Variants in TNFRSF13C observed in about 807,000 individuals in gnomAD.
TNFRSF13C encodes the protein TNF receptor superfamily member 13C.
A neutral mutation model predicts 12.1 loss-of-function variants in TNFRSF13C; 7 were observed. That is an observed-to-expected ratio of 0.58 (90% confidence interval 0.33 to 1.08). The LOEUF (loss-of-function observed/expected upper bound fraction) is 1.08. Ranked by LOEUF, TNFRSF13C falls within the 50% of genes least tolerant of loss-of-function variation. TNFRSF13C has a pLI of 0.04. For synonymous variants in TNFRSF13C, 157 were observed against 130.8 expected (o/e 1.20, Z -1.37); for missense variants, 260 against 265.9 (o/e 0.98, Z 0.15).
rs1344102977 is a variant in TNFRSF13C at position 41,923,940 on chromosome 22, A to T, written c.*1427T>A. 6.6e-6 allele frequency: 1 copy of T among 152,240 alleles called. No individual in the cohort carries two copies. The highest frequency in any genetic ancestry group is 1.5e-5 in the Non-Finnish European group (1 of 68,046). 9.4% of individuals were successfully genotyped at this position (152,240 alleles called of 1,614,324 possible). A position where few individuals can be genotyped will look rare whatever the true frequency, so the allele number is the denominator to read the frequency against. On this transcript the variant is annotated 3_prime_UTR_variant, in exon 3 of 3. Coordinates refer to ENST00000291232, the MANE Select transcript of TNFRSF13C (RefSeq NM_052945.4). ...AGATACCTGAGAATCAGCAAAATCC[A>T]GCTCAATCTTTTCTCCTTTGTTATT...
chr22:41,926,466 G>A lies in TNFRSF13C; in HGVS notation c.137-135C>T, dbSNP rs920541570. ...GGGGGGCGGTGGACAAGGGGAGGGA[G>A]AGAGGCGGCGGTGAGGGCCACGCGG... On this transcript the variant is annotated intron_variant, in intron 1 of 2. Transcript: ENST00000291232. This position sits in a 1 kb window ranked among gnomAD's most constrained non-coding sequence, Gnocchi z 4.9. 1 of 1,100,172 alleles carries A rather than the reference G, an allele frequency of 9.1e-7. No individual in the cohort carries two copies. Among genetic ancestry groups the A allele is most frequent in the African/African-American group, 1.7e-5 (1 of 60,008 alleles). 68.2% of individuals were successfully genotyped at this position (1,100,172 alleles called of 1,614,324 possible).
chr22:41,926,401 C>A lies in TNFRSF13C; in HGVS notation c.137-70G>T, dbSNP rs1415984841. On this transcript the variant is annotated intron_variant, in intron 1 of 2. Coordinates refer to ENST00000291232, the MANE Select transcript of TNFRSF13C (RefSeq NM_052945.4). This position sits in a 1 kb window ranked among gnomAD's most constrained non-coding sequence, Gnocchi z 4.9. ...AGGGAGGAGCGGGGACGGGGAGGGGCGGAGGGGGGCGAGGCTGGCCGGGGA... is the reference window on the plus strand; with the variant it reads ...AGGGAGGAGCGGGGACGGGGAGGGGAGGAGGGGGGCGAGGCTGGCCGGGGA... 6.5e-6 allele frequency: 2 copies of A among 309,212 alleles called. No homozygotes were observed. Among genetic ancestry groups the A allele is most frequent in the African/African-American group, 4.0e-5 (1 of 25,316 alleles). 19.2% of individuals were successfully genotyped at this position (309,212 alleles called of 1,614,324 possible). A position where few individuals can be genotyped will look rare whatever the true frequency, so the allele number is the denominator to read the frequency against.
chr22:41,926,501 G>A lies in TNFRSF13C; in HGVS notation c.136+137C>T. On this transcript the variant is annotated intron_variant, in intron 1 of 2. Transcript: ENST00000291232. This position sits in a 1 kb window ranked among gnomAD's most constrained non-coding sequence, Gnocchi z 4.9. ...GGTGAGGGCCACGCGGTGATCGCGGGCCCCTCCAGGCCCTGCCCACAGGGT... is the reference window on the plus strand; with the variant it reads ...GGTGAGGGCCACGCGGTGATCGCGGACCCCTCCAGGCCCTGCCCACAGGGT... The A allele has an allele frequency of 2.5e-6, 3 of 1,179,238 alleles. No individual in the cohort carries two copies. Among genetic ancestry groups the A allele is most frequent in the Non-Finnish European group, 2.2e-6 (2 of 911,516 alleles). 73.0% of individuals were successfully genotyped at this position (1,179,238 alleles called of 1,614,324 possible).
In TNFRSF13C at chr22:41,926,511, G is replaced by T; in HGVS notation, c.136+127C>A. On this transcript the variant is annotated intron_variant, in intron 1 of 2. Coordinates refer to ENST00000291232, the MANE Select transcript of TNFRSF13C (RefSeq NM_052945.4). The surrounding 1 kb of genome is among the most constrained non-coding windows in gnomAD (Gnocchi z 4.9). Reference sequence around the variant, plus strand: ...ACGCGGTGATCGCGGGCCCCTCCAGGCCCTGCCCACAGGGTCCTTTCAGCC... The same window carrying T: ...ACGCGGTGATCGCGGGCCCCTCCAGTCCCTGCCCACAGGGTCCTTTCAGCC... 8.1e-7 allele frequency: 1 copy of T among 1,231,174 alleles called. No homozygotes were observed. The highest frequency in any genetic ancestry group is 1.0e-6 in the Non-Finnish European group (1 of 957,944). The allele number at this position is 1,231,174 out of a possible 1,614,324, so 76.3% of individuals were successfully genotyped here.
rs2146585999 is a variant in TNFRSF13C, at chr22:41,922,448, G to A, written c.*2919C>T. ...CTCTGGGGACCACAGGCCAGGAGGAGAACCTTGCATACAACCCCTCATTTT... is the reference window on the plus strand; with the variant it reads ...CTCTGGGGACCACAGGCCAGGAGGAAAACCTTGCATACAACCCCTCATTTT... On this transcript the variant is annotated 3_prime_UTR_variant, in exon 3 of 3. Coordinates refer to ENST00000291232, the MANE Select transcript of TNFRSF13C (RefSeq NM_052945.4). 1 of 152,254 alleles carries A rather than the reference G, an allele frequency of 6.6e-6. No individual in the cohort carries two copies. The highest frequency in any genetic ancestry group is 1.5e-5 in the Non-Finnish European group (1 of 68,018). 9.4% of individuals were successfully genotyped at this position (152,254 alleles called of 1,614,324 possible).
In TNFRSF13C at chr22:41,926,647, G is replaced by A. The variant is rs1369166722; in HGVS notation, c.127C>T (p.Pro43Ser). The change falls in exon 1 of 3, where the codon CCG (proline) becomes TCG (serine). Residue 43 changes from proline to serine, a missense_variant. Physicochemically the swap from Pro to Ser is moderately conservative, Grantham distance 74. Coordinates refer to ENST00000291232, the MANE Select transcript of TNFRSF13C (RefSeq NM_052945.4). This position sits in a 1 kb window ranked among gnomAD's most constrained non-coding sequence, Gnocchi z 4.9. ...VACGLLRTPR[P>S]KPAGASSPAP... is the part of the protein sequence containing the mutation. ...CGTGGGTCCCCCTTACCCGGTTTCG[G>A]CCGCGGCGTGCGCAGGAGCCCGCAG... 6.8e-7 allele frequency: 1 copy of A among 1,460,036 alleles called. No individual in the cohort carries two copies. The highest frequency in any genetic ancestry group is 2.5e-5 in the Admixed American group (1 of 40,580). 90.4% of individuals were successfully genotyped at this position (1,460,036 alleles called of 1,614,324 possible).
Position 41,926,192 on chromosome 22 carries a change from CGCCAGGACCAGT to C in TNFRSF13C, c.264_275del (p.Ala92_Leu95del), listed in dbSNP as rs776259962. On this transcript the variant is annotated inframe_deletion, in exon 2 of 3. Coordinates refer to ENST00000291232, the MANE Select transcript of TNFRSF13C (RefSeq NM_052945.4). The surrounding 1 kb of genome is among the most constrained non-coding windows in gnomAD (Gnocchi z 4.9). The stretch of plus-strand genomic sequence containing the variant: ...AGCTCACCAGACCCACCAGGACCAG[CGCCAGGACCAGT>C]GCCAGGCCCAGCAGCGCGGGGGCGC... The C allele has an allele frequency of 5.0e-6, 8 of 1,608,876 alleles. No individual in the cohort carries two copies. The highest frequency in any genetic ancestry group is 2.7e-5 in the African/African-American group (2 of 74,910).
Position 41,926,758 on chromosome 22 carries a change from G to C in TNFRSF13C, c.16C>G (p.Arg6Gly). 2 of 1,362,782 alleles carry C rather than the reference G, an allele frequency of 1.5e-6. No homozygotes were observed. Among genetic ancestry groups the C allele is most frequent in the Non-Finnish European group, 1.9e-6 (2 of 1,060,912 alleles). 84.4% of individuals were successfully genotyped at this position (1,362,782 alleles called of 1,614,324 possible). A position where few individuals can be genotyped will look rare whatever the true frequency, so the allele number is the denominator to read the frequency against. Residue 6 changes from arginine to glycine, a missense_variant, in exon 1 of 3, where the codon CGG becomes GGG. Arg to Gly is a moderately radical substitution (Grantham distance 125). Coordinates refer to ENST00000291232, the MANE Select transcript of TNFRSF13C (RefSeq NM_052945.4). This position sits in a 1 kb window ranked among gnomAD's most constrained non-coding sequence, Gnocchi z 4.9. ...GGCGCGTCCCTGCCCCGCAGGCTCC[G>C]GGGCCCTCGCCTCATGGTGCCGACG... MRRGP[R>G]SLRGRDAPAP... is the part of the protein sequence containing the mutation.
Position 41,926,130 on chromosome 22 carries a change from G to A in TNFRSF13C, c.338C>T (p.Ser113Phe). The part of the protein sequence containing the change: ...RRQRRLRGAS[S>F]AEAPDGDKDA... The stretch of plus-strand genomic sequence containing the variant: ...CTTGTCTCCGTCGGGGGCCTCTGCG[G>A]AGGACGCGCCGCGAAGCCGCCGCTG... Residue 113 changes from serine (S) to phenylalanine (F), a missense_variant, in exon 2 of 3, where the codon TCC (serine) becomes TTC (phenylalanine). Physicochemically the swap from Ser to Phe is radical, Grantham distance 155 (BLOSUM62 -2). Transcript: ENST00000291232. The surrounding 1 kb of genome is among the most constrained non-coding windows in gnomAD (Gnocchi z 4.9). The A allele has an allele frequency of 6.2e-7, 1 of 1,612,160 alleles. No individual in the cohort carries two copies.
In TNFRSF13C at chr22:41,922,760, T is replaced by C. The variant is rs1347245427; in HGVS notation, c.*2607A>G. 5.8e-5 allele frequency: 1 copy of C among 17,098 alleles called. No homozygotes were observed. The highest frequency in any genetic ancestry group is 1.1e-4 in the Non-Finnish European group (1 of 9,334). The allele number at this position is 17,098 out of a possible 1,614,324, so 1.1% of individuals were successfully genotyped here. A position where few individuals can be genotyped will look rare whatever the true frequency, so the allele number is the denominator to read the frequency against. ...GGCCAGGAGAAGATGGGGTGGGAGA[T>C]GGGGTGTCAAGAGAAGATGGGGTGG... is the stretch of plus-strand genomic sequence containing the variant. On this transcript the variant is annotated 3_prime_UTR_variant, in exon 3 of 3. Coordinates refer to ENST00000291232, the MANE Select transcript of TNFRSF13C (RefSeq NM_052945.4).
Position 41,924,844 on chromosome 22 carries a change from CGGG to C in TNFRSF13C, c.*520_*522del, listed in dbSNP as rs2077621168. ...GTGCGTGCCTGTAATCCCAGCTATT[CGGG>C]AGGCTGAGGCAGGAGAATCACTTGA... On this transcript the variant is annotated 3_prime_UTR_variant, in exon 3 of 3. Transcript: ENST00000291232. 1 of 146,530 alleles carries C rather than the reference CGGG, an allele frequency of 6.8e-6. No homozygotes were observed. The highest frequency in any genetic ancestry group is 2.6e-5 in the African/African-American group (1 of 39,170). 9.1% of individuals were successfully genotyped at this position (146,530 alleles called of 1,614,324 possible).
chr22:41,926,143 G>T lies in TNFRSF13C; in HGVS notation c.325C>A (p.Arg109Ser), dbSNP rs776189874. The change falls in exon 2 of 3, where the codon CGC becomes AGC. Residue 109 changes from arginine (R) to serine (S), a missense_variant. By Grantham distance (110) the Arg-to-Ser change is moderately radical (BLOSUM62 -1). Coordinates refer to ENST00000291232, the MANE Select transcript of TNFRSF13C (RefSeq NM_052945.4). This position sits in a 1 kb window ranked among gnomAD's most constrained non-coding sequence, Gnocchi z 4.9. Reference sequence around the variant, plus strand: ...GGGGCCTCTGCGGAGGACGCGCCGCGAAGCCGCCGCTGTCGCCGCCTCCAG... The same window carrying T: ...GGGGCCTCTGCGGAGGACGCGCCGCTAAGCCGCCGCTGTCGCCGCCTCCAG... ...VSWRRRQRRL[R>S]GASSAEAPDG... 3.1e-6 allele frequency: 5 copies of T among 1,611,340 alleles called. No homozygotes were observed. The Admixed American group carries it at 8.3e-5, about 27-fold the overall frequency.
Position 41,925,439 on chromosome 22 carries a change from G to A in TNFRSF13C, c.483C>T (p.Val161=), listed in dbSNP as rs1378944329. The part of the protein sequence containing the change: ...DPGTTPPGHS[V]PVPATELGST... ...AGCCCAGCTCTGTGGCTGGCACAGGGACACTGTGGCCAGGTGGGGTGGTTC... is the reference window on the plus strand; with the variant it reads ...AGCCCAGCTCTGTGGCTGGCACAGGAACACTGTGGCCAGGTGGGGTGGTTC... The change falls in exon 3 of 3, where the codon GTC becomes GTT. Residue 161 remains valine (V), a synonymous_variant. Transcript: ENST00000291232. The A allele has an allele frequency of 6.2e-7, 1 of 1,612,142 alleles. No individual in the cohort carries two copies. Among genetic ancestry groups the A allele is most frequent in the South Asian group, 1.1e-5 (1 of 91,070 alleles).
Position 41,926,339 on chromosome 22 carries a change from G to T in TNFRSF13C, c.137-8C>A. 7.1e-7 allele frequency: 1 copy of T among 1,406,206 alleles called. No homozygotes were observed. Among genetic ancestry groups the T allele is most frequent in the South Asian group, 1.6e-5 (1 of 64,440 alleles). 87.1% of individuals were successfully genotyped at this position (1,406,206 alleles called of 1,614,324 possible). ...CAGGGCTGCTGGCCCCGGCTGCTTCGGGAGGGGACAGGGAGGGAGGCCAGG... is the reference window on the plus strand; with the variant it reads ...CAGGGCTGCTGGCCCCGGCTGCTTCTGGAGGGGACAGGGAGGGAGGCCAGG... On this transcript the variant is annotated splice_region_variant and splice_polypyrimidine_tract_variant and intron_variant, in intron 1 of 2. Transcript: ENST00000291232. The surrounding 1 kb of genome is among the most constrained non-coding windows in gnomAD (Gnocchi z 4.9).
At position 41,924,645 on chromosome 22, in the gene TNFRSF13C, C is replaced by G. The variant is rs9607858; in HGVS notation, c.*722G>C. The G allele has an allele frequency of 6.6e-6, 1 of 151,828 alleles. No individual in the cohort carries two copies. The highest frequency in any genetic ancestry group is 6.6e-5 in the Admixed American group (1 of 15,200). 9.4% of individuals were successfully genotyped at this position (151,828 alleles called of 1,614,324 possible). ...CCTGCGTGATACAGCAAGACCCTGTCTCAAAAAAAACCAAAACACAAAACA... is the reference window on the plus strand; with the variant it reads ...CCTGCGTGATACAGCAAGACCCTGTGTCAAAAAAAACCAAAACACAAAACA... On this transcript the variant is annotated 3_prime_UTR_variant, in exon 3 of 3. Coordinates refer to ENST00000291232, the MANE Select transcript of TNFRSF13C (RefSeq NM_052945.4).
Position 41,926,254 on chromosome 22 carries a change from GCGCCGCCTCGCCGGCCCC to G in TNFRSF13C, c.196_213del (p.Gly66_Ala71del). 2 of 1,507,990 alleles carry G rather than the reference GCGCCGCCTCGCCGGCCCC, an allele frequency of 1.3e-6. No homozygotes were observed. The highest frequency in any genetic ancestry group is 1.8e-6 in the Non-Finnish European group (2 of 1,135,356). 93.4% of individuals were successfully genotyped at this position (1,507,990 alleles called of 1,614,324 possible). A position where few individuals can be genotyped will look rare whatever the true frequency, so the allele number is the denominator to read the frequency against. On this transcript the variant is annotated inframe_deletion, in exon 2 of 3. Transcript: ENST00000291232. This position sits in a 1 kb window ranked among gnomAD's most constrained non-coding sequence, Gnocchi z 4.9. ...CCAAAGAGCAGCCCGGGCAGGGGCA[GCGCCGCCTCGCCGGCCCC>G]CGCGCCCACCGACTCCTGCGGCTGC...
At position 41,926,711 on chromosome 22, in the gene TNFRSF13C, C is replaced by A; in HGVS notation, c.63G>T (p.Pro21=). The A allele has an allele frequency of 6.9e-7, 1 of 1,452,446 alleles. No individual in the cohort carries two copies. Among genetic ancestry groups the A allele is most frequent in the South Asian group, 1.3e-5 (1 of 74,668 alleles). The allele number at this position is 1,452,446 out of a possible 1,614,324, so 90.0% of individuals were successfully genotyped here. ...GGACCAGCAGGTCGAAGCACTCGGC[C>A]GGGACGCAGGGCGTGGGGGCTGGCG... ...RDAPAPTPCV[P]AECFDLLVRH... Residue 21 remains proline (P), a synonymous_variant, in exon 1 of 3, where the codon CCG becomes CCT. Transcript: ENST00000291232. The surrounding 1 kb of genome is among the most constrained non-coding windows in gnomAD (Gnocchi z 4.9).
Position 41,925,397 on chromosome 22 carries a change from G to T in TNFRSF13C, c.525C>A (p.Thr175=). The change falls in exon 3 of 3, where the codon ACC becomes ACA. Residue 175 remains threonine, a synonymous_variant. Coordinates refer to ENST00000291232, the MANE Select transcript of TNFRSF13C (RefSeq NM_052945.4). ...GTTGCTCAGGGCCGGCCGTCTTGGT[G>T]GTCACCAGTTCAGTGGAGCCCAGCT... is the stretch of plus-strand genomic sequence containing the variant. ...ATELGSTELV[T]TKTAGPEQQ is the part of the protein sequence containing the mutation. 6.2e-7 allele frequency: 1 copy of T among 1,608,496 alleles called. No homozygotes were observed. Among genetic ancestry groups the T allele is most frequent in the South Asian group, 1.1e-5 (1 of 91,048 alleles).
rs2077609521 is a variant in TNFRSF13C, at chr22:41,922,116, G to A, written c.*3251C>T. On this transcript the variant is annotated 3_prime_UTR_variant, in exon 3 of 3. Transcript: ENST00000291232. The stretch of plus-strand genomic sequence containing the variant: ...AATATGATGGTCAAGACATGAATTT[G>A]TATGTATAGAATGATTACAATTATG... 6.6e-6 allele frequency: 1 copy of A among 152,180 alleles called. No individual in the cohort carries two copies. Among genetic ancestry groups the A allele is most frequent in the Non-Finnish European group, 1.5e-5 (1 of 68,044 alleles). 9.4% of individuals were successfully genotyped at this position (152,180 alleles called of 1,614,324 possible).
Sources: gnomAD v4.1 joint callset for allele counts on GRCh38, gnomAD v4.1.1 for gene constraint, Gnocchi (gnomAD v3.1) non-coding constraint, MANE v1.5 for transcripts, NCBI Gene and HGNC (gene_info 2026-07-23, HGNC 2026-07-21) for gene names.